PPP1R3A: variants seen among roughly 807,000 people sequenced by gnomAD.
The protein encoded by PPP1R3A is RG1.
A neutral mutation model predicts 41.7 loss-of-function variants in PPP1R3A; 29 were observed. That is an observed-to-expected ratio of 0.70 (90% CI 0.52 to 0.95). The LOEUF (loss-of-function observed/expected upper bound fraction) is 0.95. Among genes scored for constraint, PPP1R3A ranks in the 40% least tolerant of loss-of-function variants. PPP1R3A has a pLI of 0.00. For synonymous variants in PPP1R3A, 485 were observed against 453.4 expected (o/e 1.07, Z -0.89); for missense variants, 1,352 against 1,292.4 (o/e 1.05, Z -0.71).
intron 1 of PPP1R3A, among the ~76,000 whole-genome samples, chr7:113,912,723 T>A (rs547044939): frequency 3.9e-4 from 59 of 152,168 alleles, no homozygotes; most frequent in Middle Eastern, 6.8e-3. Flanking sequence ...TTTTCTTTTT[T>A]TGCCAGGAGC....
chr7:113,908,913 C>T (rs560260269), intron 1 of PPP1R3A, among the ~76,000 whole-genome samples: 1 of 151,832 alleles, frequency 6.6e-6, no homozygotes, highest in African/African-American at 2.4e-5. Flanking sequence ...ACTGCATGTG[C>T]TCACTTATAA....
At chr7:113,901,558 T>A (rs758636965) in intron 1 of PPP1R3A, among the ~76,000 whole-genome samples, 4 of 151,932 alleles carry the variant, frequency 2.6e-5, no homozygotes, top group Non-Finnish European at 4.4e-5. Flanking sequence ...AAAGTAGGAA[T>A]GTCACAGAGA....
chr7:113,906,023 A>G (rs1797139894), intron 1 of PPP1R3A, among the ~76,000 whole-genome samples: 2 of 151,848 alleles, frequency 1.3e-5, no homozygotes, highest in Non-Finnish European at 1.5e-5. Context: ...AAGTAAAATT[A>G]TGATGGTGCA....
intron 1 of PPP1R3A, among the ~76,000 whole-genome samples, chr7:113,903,579 C>G (rs946325171): frequency 4.6e-5 from 7 of 151,660 alleles, no homozygotes; most frequent in Admixed American, 4.0e-4. Flanking sequence ...AATGCAAAAC[C>G]TCTTAGCAGA....
chr7:113,901,627 T>A (rs1374564668), intron 1 of PPP1R3A, among the ~76,000 whole-genome samples: 10 of 151,814 alleles, frequency 6.6e-5, no homozygotes, highest in Non-Finnish European at 1.5e-4. Context: ...TTCTTAACCC[T>A]CCTTGCCAAC....
In PPP1R3A at chr7:113,878,739, A is replaced by T; in HGVS notation, c.2353T>A (p.Tyr785Asn). 1 of 1,613,474 alleles carries T rather than the reference A, an allele frequency of 6.2e-7. No homozygotes were observed. The highest frequency in any genetic ancestry group is 2.2e-5 in the East Asian group (1 of 44,840). Residue 785 changes from tyrosine to asparagine, a missense_variant, in exon 4 of 4, where the codon TAT (tyrosine) becomes AAT (asparagine). Coordinates refer to ENST00000284601, the MANE Select transcript of PPP1R3A (RefSeq NM_002711.4). ...PHEGRNDDSHYTLCQRDTVGV... is the reference protein window; with the variant it reads ...PHEGRNDDSHNTLCQRDTVGV... ...ACTGTATCTCGTTGACAAAGGGTAT[A>T]ATGTGAATCATCATTTCTCCCTTCA...
chr7:113,899,538 T>C (rs1201080163), intron 1 of PPP1R3A, among the ~76,000 whole-genome samples: 1 of 151,884 alleles, frequency 6.6e-6, no homozygotes, highest in African/African-American at 2.4e-5. Flanking sequence ...ATTTACTAAT[T>C]TTTGTTTAAA....
intron 1 of PPP1R3A, among the ~76,000 whole-genome samples, chr7:113,915,642 C>A (rs377700845): frequency 2.0e-5 from 3 of 149,262 alleles, no homozygotes; most frequent in East Asian, 3.9e-4. Context: ...TATATATATT[C>A]TGTTTTTACC....
intron 1 of PPP1R3A, among the ~76,000 whole-genome samples, chr7:113,882,972 A>G (rs1428259772): frequency 1.3e-5 from 2 of 152,042 alleles, no homozygotes; most frequent in African/African-American, 4.8e-5. Flanking sequence ...ATTTATATGC[A>G]AGCATATACT....
In PPP1R3A at chr7:113,882,139, C is replaced by A. The variant is rs770671323; in HGVS notation, c.866G>T (p.Cys289Phe). The part of the protein sequence containing the change: ...NTDTYIPTII[C>F]SHEDKEDLEA... ...CAAATCTTCCTTGTCCTCATGAGAACAAATGATTGTTGGGATATAGGTATC... is the reference window on the plus strand; with the variant it reads ...CAAATCTTCCTTGTCCTCATGAGAAAAAATGATTGTTGGGATATAGGTATC... The change falls in exon 3 of 4, where the codon TGT becomes TTT. Residue 289 changes from cysteine (C) to phenylalanine (F), a missense_variant. Cys to Phe is a radical substitution (Grantham distance 205, BLOSUM62 -2). Coordinates refer to ENST00000284601, the MANE Select transcript of PPP1R3A (RefSeq NM_002711.4). 6.2e-7 allele frequency: 1 copy of A among 1,611,582 alleles called. No individual in the cohort carries two copies. The highest frequency in any genetic ancestry group is 1.3e-5 in the African/African-American group (1 of 74,898).
At position 113,918,526 on chromosome 7, in the gene PPP1R3A, T is replaced by A. The variant is rs780792161; in HGVS notation, c.471A>T (p.Val157=). 6.2e-7 allele frequency: 1 copy of A among 1,612,936 alleles called. No individual in the cohort carries two copies. The highest frequency in any genetic ancestry group is 2.2e-5 in the East Asian group (1 of 44,838). The part of the protein sequence containing the change: ...RVLNVSFEKL[V]YVRMSLDDWQ... ...AGTCATCTAAAGACATTCTTACATA[T>A]ACTAACTTCTCAAAAGAAACATTCA... The change falls in exon 1 of 4, where the codon GTA becomes GTT. Residue 157 remains valine, a synonymous_variant. Coordinates refer to ENST00000284601, the MANE Select transcript of PPP1R3A (RefSeq NM_002711.4).
chr7:113,914,867 A>G (rs888231445), intron 1 of PPP1R3A, among the ~76,000 whole-genome samples: 3 of 152,028 alleles, frequency 2.0e-5, no homozygotes, highest in Admixed American at 2.0e-4. Flanking sequence ...GATATCTTTA[A>G]CTTTGAAGCC....
At position 113,878,261 on chromosome 7, in the gene PPP1R3A, T is replaced by C; in HGVS notation, c.2831A>G (p.Gln944Arg). 1 of 1,613,158 alleles carries C rather than the reference T, an allele frequency of 6.2e-7. No homozygotes were observed. Among genetic ancestry groups the C allele is most frequent in the Non-Finnish European group, 8.5e-7 (1 of 1,179,508 alleles). Residue 944 changes from glutamine to arginine, a missense_variant, in exon 4 of 4, where the codon CAA becomes CGA. By Grantham distance (43) the Gln-to-Arg change is conservative. Transcript: ENST00000284601. Reference sequence around the variant, plus strand: ...ATTTTCTGATTTCGTAGAAATAGGTTGGCTAGCCATGGTAGTAACTGCATT... The same window carrying C: ...ATTTTCTGATTTCGTAGAAATAGGTCGGCTAGCCATGGTAGTAACTGCATT... The part of the protein sequence containing the change: ...VENAVTTMAS[Q>R]PISTKSENIC...
In PPP1R3A at chr7:113,878,927, G is replaced by C. The variant is rs757672419; in HGVS notation, c.2165C>G (p.Thr722Ser). The C allele has an allele frequency of 6.2e-7, 1 of 1,613,096 alleles. No individual in the cohort carries two copies. The highest frequency in any genetic ancestry group is 2.2e-5 in the East Asian group (1 of 44,830). ...GGCTGTACCAGCTTCTGCTTTCTCA[G>C]TAATGCCATGATCAGCTAGAGAAGA... ...ELSSLADHGI[T>S]EKAEAGTAYI... is the part of the protein sequence containing the mutation. Residue 722 changes from threonine to serine, a missense_variant, in exon 4 of 4, where the codon ACT becomes AGT. Thr to Ser is a moderately conservative substitution (Grantham distance 58, BLOSUM62 1). Coordinates refer to ENST00000284601, the MANE Select transcript of PPP1R3A (RefSeq NM_002711.4).
rs1398433563 is a variant in PPP1R3A, at chr7:113,879,522, A to C, written c.1570T>G (p.Leu524Val). Residue 524 changes from leucine (L) to valine (V), a missense_variant, in exon 4 of 4, where the codon TTA (leucine) becomes GTA (valine). Leu to Val is a conservative substitution (Grantham distance 32). Coordinates refer to ENST00000284601, the MANE Select transcript of PPP1R3A (RefSeq NM_002711.4). ...GKDDEEQRIY[L>V]GVNEKQRKNF... ...TTTCTTTGTTTTTCATTAACACCTA[A>C]ATATATTCTTTGTTCTTCATCATCC... is the stretch of plus-strand genomic sequence containing the variant. The C allele has an allele frequency of 6.2e-7, 1 of 1,612,816 alleles. No homozygotes were observed. The highest frequency in any genetic ancestry group is 2.2e-5 in the East Asian group (1 of 44,818).
chr7:113,886,057 G>C (rs1289259373), intron 1 of PPP1R3A, among the ~76,000 whole-genome samples: 1 of 150,906 alleles, frequency 6.6e-6, no homozygotes, highest in Non-Finnish European at 1.5e-5. Flanking sequence ...ATACTGCTAA[G>C]ATTTATCCAT....
Position 113,879,268 on chromosome 7 carries a change from G to A in PPP1R3A, c.1824C>T (p.Ser608=), listed in dbSNP as rs767098711. ...PEHHHLTSEG[S]ALGGITGQVC... is the part of the protein sequence containing the mutation. ...CTTGACCAGTTATCCCTCCTAAAGC[G>A]CTGCCTTCACTAGTCAAATGATGAT... Residue 608 remains serine (S), a synonymous_variant, in exon 4 of 4, where the codon AGC becomes AGT. Transcript: ENST00000284601. 1.4e-5 allele frequency: 23 copies of A among 1,613,440 alleles called. 1 individual carries two copies. The highest frequency in any genetic ancestry group is 4.5e-5 in the East Asian group (2 of 44,836).
intron 1 of PPP1R3A, among the ~76,000 whole-genome samples, chr7:113,882,719 A>C (rs1796714994): frequency 6.6e-6 from 1 of 151,994 alleles, no homozygotes; most frequent in Non-Finnish European, 1.5e-5. Flanking sequence ...ATGAACTGAC[A>C]GTCTATTTAT....
chr7:113,883,748 C>T (rs567607114), intron 1 of PPP1R3A, among the ~76,000 whole-genome samples: 7 of 151,898 alleles, frequency 4.6e-5, no homozygotes, highest in South Asian at 2.1e-4. Flanking sequence ...ATTCCTGCTT[C>T]GTCTCTATTC....
Sources: gnomAD v4.1 joint callset for allele counts (sites outside exome capture counted in the v4.1 genomes callset) on GRCh38, gnomAD v4.1.1 for gene constraint, MANE v1.5 for transcripts, NCBI Gene and HGNC (gene_info 2026-07-23, HGNC 2026-07-21) for gene names.